Variants in PCBP3 observed in about 807,000 individuals in gnomAD.
PCBP3 encodes poly(rC)-binding protein 3.
In PCBP3, 25 loss-of-function variants were observed where a neutral mutation model predicts 52.7. The ratio of observed to expected loss-of-function variants is 0.47; its 90% CI spans 0.35 to 0.66. PCBP3 has a LOEUF of 0.66. Among genes scored for constraint, PCBP3 ranks in the 30% least tolerant of loss-of-function variants. PCBP3 has a pLI of 0.01. For missense variants in PCBP3, 391 were observed against 490.3 expected (o/e 0.80, Z 1.91); for synonymous variants, 162 against 183.0 (o/e 0.89, Z 0.93).
At chr21:45,777,260 T>G (rs1348756626) in intron 4 of PCBP3, among the ~76,000 whole-genome samples, 1 of 152,186 alleles carries the variant, frequency 6.6e-6, no homozygotes, top group Non-Finnish European at 1.5e-5. Flanking sequence ...TTCTGGCCTG[T>G]AAGGTTTCTG....
intron 4 of PCBP3, chr21:45,761,785 G>A (rs2838991): frequency 0.17 from 25,724 of 152,312 alleles, 2,306 homozygotes; most frequent in Middle Eastern, 0.32. Context: ...TGCAGTGACT[G>A]CCTGAGGCGC....
chr21:45,777,180 T>G (rs2090323711), intron 4 of PCBP3, among the ~76,000 whole-genome samples: 1 of 152,222 alleles, frequency 6.6e-6, no homozygotes, highest in Non-Finnish European at 1.5e-5. Context: ...GGATATAGTC[T>G]TCTTGGATGG....
At chr21:45,941,599 C>A in intron 17 of PCBP3, 71 bp from the exon 18 acceptor site, 1 of 1,416,300 alleles carries the variant, frequency 7.1e-7, no homozygotes, top group Non-Finnish European at 9.8e-7. Context: ...CACAGCCCGG[C>A]CTCACGTCTG....
intron 3 of PCBP3, among the ~76,000 whole-genome samples, chr21:45,739,379 C>T (rs2086206913): frequency 1.7e-5 from 2 of 117,260 alleles, no homozygotes; most frequent in East Asian, 5.9e-4. Context: ...CTCTGGGTAG[C>T]CCCCCCATCT....
intron 2 of PCBP3, among the ~76,000 whole-genome samples, chr21:45,715,978 G>T (rs2084191607): frequency 6.6e-6 from 1 of 151,892 alleles, no homozygotes; most frequent in South Asian, 2.1e-4. Flanking sequence ...TTAATTTTAA[G>T]CCCAATTTAT....
At chr21:45,855,612 G>A (rs2094255389) in intron 5 of PCBP3, among the ~76,000 whole-genome samples, 1 of 152,244 alleles carries the variant, frequency 6.6e-6, no homozygotes. Context: ...CTCTCTCTGG[G>A]ATTTAAATGA....
chr21:45,767,842 C>G (rs2145712814), intron 4 of PCBP3, among the ~76,000 whole-genome samples: 1 of 152,364 alleles, frequency 6.6e-6, no homozygotes, highest in South Asian at 2.1e-4. Context: ...CTGACAGGCT[C>G]TCAGAGAGGA....
chr21:45,729,915 C>T (rs1443544797), intron 2 of PCBP3, among the ~76,000 whole-genome samples: 2 of 152,004 alleles, frequency 1.3e-5, no homozygotes. Flanking sequence ...CACCATCTAC[C>T]ATGCCTGGTT....
intron 2 of PCBP3, among the ~76,000 whole-genome samples, chr21:45,677,586 T>G (rs1294994652): frequency 1.3e-5 from 2 of 152,244 alleles, no homozygotes; most frequent in African/African-American, 4.8e-5. Context: ...AGCCTTCTAT[T>G]GAAAGACCAT....
chr21:45,777,349 G>A (rs2090335718), intron 4 of PCBP3, among the ~76,000 whole-genome samples: 1 of 152,064 alleles, frequency 6.6e-6, no homozygotes, highest in African/African-American at 2.4e-5. Flanking sequence ...TTTAGGATTT[G>A]CTCTTTATCT....
At chr21:45,877,120 G>T (rs932369488) in intron 5 of PCBP3, among the ~76,000 whole-genome samples, 1 of 152,208 alleles carries the variant, frequency 6.6e-6, no homozygotes, top group Non-Finnish European at 1.5e-5. Context: ...ACTTTCAAAC[G>T]TGGGTCTCTT....
chr21:45,788,926 A>G lies in PCBP3; in HGVS notation c.-126+33474A>G, dbSNP rs1239676677. ...TTCAGAATTAGAAATGGTTTTAGCA[A>G]TAATTCTAAATGAGGCTGGAAGAAT... is the stretch of plus-strand genomic sequence containing the variant. On this transcript the variant is annotated intron_variant, in intron 4 of 17. Coordinates refer to ENST00000681687, the MANE Select transcript of PCBP3 (RefSeq NM_001384156.1). This position sits in a 1 kb window ranked among gnomAD's most constrained non-coding sequence, Gnocchi z 4.3. 6.6e-6 allele frequency among the ~76,000 whole-genome samples: 1 copy of G among 152,256 alleles called. No homozygotes were observed. The highest frequency in any genetic ancestry group is 2.4e-5 in the African/African-American group (1 of 41,460).
chr21:45,850,317 T>C (rs2093945258), intron 5 of PCBP3, among the ~76,000 whole-genome samples: 1 of 152,166 alleles, frequency 6.6e-6, no homozygotes, highest in Non-Finnish European at 1.5e-5. Context: ...TTGAACACCT[T>C]TGGGTCCAGT....
chr21:45,936,731 C>G (rs1006659519), intron 16 of PCBP3, among the ~76,000 whole-genome samples: 10 of 152,196 alleles, frequency 6.6e-5, no homozygotes, highest in African/African-American at 2.4e-4. Flanking sequence ...GTTTGGTGCT[C>G]TTATCCAAAC....
intron 14 of PCBP3, among the ~76,000 whole-genome samples, chr21:45,930,472 G>A (rs2076037548): frequency 1.3e-5 from 2 of 152,202 alleles, no homozygotes. Context: ...ACCCGAGTCA[G>A]CCCTAGCCCA....
chr21:45,807,554 A>C (rs1603438034), intron 4 of PCBP3, among the ~76,000 whole-genome samples: 1 of 152,320 alleles, frequency 6.6e-6, no homozygotes, highest in Admixed American at 6.5e-5. Context: ...TAAATGAAAA[A>C]ACATTCCATG....
rs964706065 is a variant in PCBP3 at position 45,844,868 on chromosome 21, G to A, written c.-125-5093G>A. On this transcript the variant is annotated intron_variant, in intron 4 of 17. Coordinates refer to ENST00000681687, the MANE Select transcript of PCBP3 (RefSeq NM_001384156.1). Reference sequence around the variant, plus strand: ...TATATAAAGTTATAACTTTATATACGTATATGAAGTTTATATACGTATATA... The same window carrying A: ...TATATAAAGTTATAACTTTATATACATATATGAAGTTTATATACGTATATA... 7.6e-5 allele frequency among the ~76,000 whole-genome samples: 10 copies of A among 131,528 alleles called. No individual in the cohort carries two copies. In the East Asian group the frequency reaches 1.3e-3, roughly 17 times the overall value. 86.3% of individuals were successfully genotyped at this position (131,528 alleles called of 152,430 possible).
intron 5 of PCBP3, among the ~76,000 whole-genome samples, chr21:45,856,589 G>A (rs938454051): frequency 4.0e-5 from 6 of 151,492 alleles, no homozygotes; most frequent in South Asian, 2.1e-4. Flanking sequence ...TGTGTGGCAC[G>A]CCCCCCCCAC....
chr21:45,758,220 G>T (rs544847112), intron 4 of PCBP3, among the ~76,000 whole-genome samples: 1 of 152,310 alleles, frequency 6.6e-6, no homozygotes, highest in Non-Finnish European at 1.5e-5. Flanking sequence ...TTGGATCCTG[G>T]AGATTTATAG....
Sources: allele counts gnomAD v4.1 joint callset (sites outside exome capture counted in the v4.1 genomes callset), GRCh38; gene constraint gnomAD v4.1.1; non-coding constraint Gnocchi (gnomAD v3.1); transcripts MANE v1.5; gene names NCBI Gene and HGNC (gene_info 2026-07-23, HGNC 2026-07-21).